The following SPATA6 variants were observed in gnomAD, a reference collection of about 807,000 sequenced individuals.
SPATA6 encodes the protein spermatogenesis-associated protein 6.
Under a neutral mutation model 65.3 loss-of-function variants are expected in SPATA6, and 56 were observed. The observed-to-expected ratio is 0.86, with a 90% CI of 0.69 to 1.07. The LOEUF is 1.07. SPATA6 is among the 50% of genes least tolerant of loss of function. The probability of loss-of-function intolerance (pLI) is 0.00; values close to 1 mark genes in which losing one functional copy is unlikely to be tolerated. For missense variants in SPATA6, 590 were observed against 594.8 expected (o/e 0.99, Z 0.08); for synonymous variants, 199 against 213.2 (o/e 0.93, Z 0.58).
chr1:48,399,772 C>T (rs1650986366), intron 6 of SPATA6, 128 bp from the exon 7 acceptor site: 2 of 772,168 alleles, frequency 2.6e-6, no homozygotes, highest in Non-Finnish European at 4.0e-6. Context: ...TCAGTCCTTC[C>T]TATCTGTGCT....
intron 3 of SPATA6, chr1:48,437,196 T>C: frequency 6.2e-7 from 1 of 1,611,996 alleles, no homozygotes; most frequent in Non-Finnish European, 8.5e-7. Context: ...ATTTTCCTGA[T>C]GAAAAAGACT....
At chr1:48,464,007 AC>A (rs540886514) in intron 1 of SPATA6, among the ~76,000 whole-genome samples, 59 of 152,208 alleles carry the variant, frequency 3.9e-4, no homozygotes, top group Middle Eastern at 3.4e-3. Flanking sequence ...TTAAAAAAAA[AC>A]ATCCCAAATA....
At chr1:48,273,156 T>A in the SPATA6 span, among the ~76,000 whole-genome samples, 1 of 152,200 alleles carries the variant, frequency 6.6e-6, no homozygotes, top group Non-Finnish European at 1.5e-5. Flanking sequence ...TTGTCTGTCC[T>A]TTTGTTATCA....
At chr1:48,408,759 AAGAGAG>A (rs1651938381) in intron 5 of SPATA6, among the ~76,000 whole-genome samples, 1 of 152,148 alleles carries the variant, frequency 6.6e-6, no homozygotes, top group Admixed American at 6.5e-5. Context: ...GTGGCAGACA[AAGAGAG>A]AGCTTGTGCA....
chr1:48,400,258 T>C (rs1651038149), intron 6 of SPATA6, among the ~76,000 whole-genome samples: 1 of 151,878 alleles, frequency 6.6e-6, no homozygotes, highest in Non-Finnish European at 1.5e-5. Context: ...AAACATACCA[T>C]CTTAATTCTG....
chr1:48,372,724 A>C (rs1647426247), intron 9 of SPATA6, among the ~76,000 whole-genome samples: 1 of 152,204 alleles, frequency 6.6e-6, no homozygotes, highest in Non-Finnish European at 1.5e-5. Flanking sequence ...AGGAGTTTCC[A>C]TACATCTTCT....
rs185477561 is a variant in SPATA6 at position 48,301,304 on chromosome 1, C to T, written c.1287-2411G>A. Among the ~76,000 whole-genome samples, 4 of 149,058 alleles carry T rather than the reference C, an allele frequency of 2.7e-5. No homozygotes were observed. In the East Asian group the frequency reaches 7.8e-4, roughly 29 times the overall value. The stretch of plus-strand genomic sequence containing the variant: ...TCCAATACTAAAAGAAAAAAAAAAG[C>T]CAGAAAAGTGAAAGACTGCTATGAC... On this transcript the variant is annotated intron_variant, in intron 12 of 12. Transcript: ENST00000371847.
the SPATA6 span, among the ~76,000 whole-genome samples, chr1:48,280,695 C>T: frequency 2.0e-5 from 3 of 152,170 alleles, no homozygotes; most frequent in African/African-American, 7.2e-5. Context: ...TAATCAATAG[C>T]TTACCAACCA....
chr1:48,310,250 G>C (rs1050319555), intron 11 of SPATA6, among the ~76,000 whole-genome samples: 9 of 152,284 alleles, frequency 5.9e-5, no homozygotes, highest in African/African-American at 1.9e-4. Flanking sequence ...ACTCAAAGTG[G>C]GGTCTTCCAG....
At chr1:48,390,104 T>G (rs889360655) in intron 8 of SPATA6, among the ~76,000 whole-genome samples, 1 of 152,096 alleles carries the variant, frequency 6.6e-6, no homozygotes, top group Non-Finnish European at 1.5e-5. Flanking sequence ...GAAAGGAAAT[T>G]AGTATATTGA....
At chr1:48,393,655 A>G (rs1413402021) in intron 8 of SPATA6, among the ~76,000 whole-genome samples, 5 of 152,192 alleles carry the variant, frequency 3.3e-5, no homozygotes, top group Non-Finnish European at 5.9e-5. Flanking sequence ...TCAGGCTGCC[A>G]TAACAAAATA....
chr1:48,405,922 T>C (rs1344742335), intron 5 of SPATA6, among the ~76,000 whole-genome samples: 1 of 152,092 alleles, frequency 6.6e-6, no homozygotes, highest in African/African-American at 2.4e-5. Context: ...AATTAAAGTC[T>C]CATCCTTGTA....
intron 11 of SPATA6, chr1:48,325,411 C>A (rs1645727527): frequency 7.4e-7 from 1 of 1,355,278 alleles, no homozygotes. Context: ...CCAGGGCCCT[C>A]CCCCAGCTTC....
At position 48,362,914 on chromosome 1, in the gene SPATA6, C is replaced by T. The variant is rs77450007; in HGVS notation, c.910-3144G>A. Among the ~76,000 whole-genome samples, 367 of 152,222 alleles carry T rather than the reference C, an allele frequency of 2.4e-3. 3 individuals carry two copies. The highest frequency in any genetic ancestry group is 8.4e-3 in the African/African-American group (351 of 41,568). On this transcript the variant is annotated intron_variant, in intron 9 of 12. Coordinates refer to ENST00000371847, the MANE Select transcript of SPATA6 (RefSeq NM_019073.4). ...AAGAATCTTAAATGCTGTAACTCAA[C>T]AGTATTCAAGATTTATTAAGCACCT...
chr1:48,373,733 A>G (rs1334396133), intron 9 of SPATA6, among the ~76,000 whole-genome samples: 1 of 152,222 alleles, frequency 6.6e-6, no homozygotes, highest in South Asian at 2.1e-4. Context: ...CACTTCTTAC[A>G]TGGCGGCAGC....
intron 8 of SPATA6, among the ~76,000 whole-genome samples, chr1:48,391,998 G>A (rs3767618): frequency 0.31 from 46,384 of 151,840 alleles, 8,674 homozygotes; most frequent in Middle Eastern, 0.42. Flanking sequence ...CAAACAAGAG[G>A]GACATGTTTA....
At chr1:48,362,522 T>C (rs1178610856) in intron 9 of SPATA6, among the ~76,000 whole-genome samples, 1 of 152,176 alleles carries the variant, frequency 6.6e-6, no homozygotes, top group South Asian at 2.1e-4. Context: ...GAGAATCTCT[T>C]GAACATCTTA....
At chr1:48,377,986 C>T (rs1648115713) in intron 9 of SPATA6, among the ~76,000 whole-genome samples, 1 of 152,144 alleles carries the variant, frequency 6.6e-6, no homozygotes, top group Admixed American at 6.5e-5. Context: ...CATCTTCCAC[C>T]ATGTGAAGAA....
chr1:48,422,690 G>A (rs1241862771), intron 3 of SPATA6, among the ~76,000 whole-genome samples: 1 of 152,212 alleles, frequency 6.6e-6, no homozygotes, highest in South Asian at 2.1e-4. Flanking sequence ...TGGAGAAAGA[G>A]AACAAGATAC....
Sources: allele counts gnomAD v4.1 joint callset (sites outside exome capture counted in the v4.1 genomes callset), GRCh38; gene constraint gnomAD v4.1.1; transcripts MANE v1.5; gene names NCBI Gene and HGNC (gene_info 2026-07-23, HGNC 2026-07-21).